The following AGBL4 variants were observed in gnomAD, a reference collection of about 807,000 sequenced individuals.
AGBL4 encodes AGBL carboxypeptidase 4.
In AGBL4, 58 loss-of-function variants were observed where a neutral mutation model predicts 66.4. That is an observed-to-expected ratio of 0.87 (90% CI 0.71 to 1.09). The LOEUF (loss-of-function observed/expected upper bound fraction) is 1.09. Among genes scored for constraint, AGBL4 ranks in the 50% least tolerant of loss-of-function variants. AGBL4 has a pLI of 0.00. For missense variants in AGBL4, 579 were observed against 631.0 expected (o/e 0.92, Z 0.88); for synonymous variants, 234 against 222.9 (o/e 1.05, Z -0.44).
chr1:49,387,980 C>T lies in AGBL4; in HGVS notation c.283-142116G>A, dbSNP rs140674072. 1.5e-3 allele frequency among the ~76,000 whole-genome samples: 227 copies of T among 152,102 alleles called. 1 individual carries two copies. The highest frequency in any genetic ancestry group is 5.2e-3 in the African/African-American group (218 of 41,534). ...GTTATAAGAGTCAGTTCATTTGTAA[C>T]ATGGATATAAGATGCCCAATACACA... On this transcript the variant is annotated intron_variant, in intron 3 of 13. Coordinates refer to ENST00000371839, the MANE Select transcript of AGBL4 (RefSeq NM_032785.4).
chr1:49,513,488 C>T (rs1649465743), intron 3 of AGBL4, among the ~76,000 whole-genome samples: 2 of 151,896 alleles, frequency 1.3e-5, no homozygotes, highest in South Asian at 2.1e-4. Flanking sequence ...CAGTGTTTAG[C>T]TCTAATTTAT....
At chr1:49,696,137 G>A (rs1558169783) in intron 3 of AGBL4, among the ~76,000 whole-genome samples, 2 of 152,248 alleles carry the variant, frequency 1.3e-5, no homozygotes, top group South Asian at 2.1e-4. Flanking sequence ...ATGTTGGATT[G>A]CAGGACTATG....
chr1:49,434,917 G>A (rs1645869204), intron 3 of AGBL4, among the ~76,000 whole-genome samples: 1 of 152,002 alleles, frequency 6.6e-6, no homozygotes, highest in South Asian at 2.1e-4. Flanking sequence ...AAGTATTGGA[G>A]GTCTCGAGGG....
At chr1:49,284,553 C>T (rs4027807) in intron 3 of AGBL4, among the ~76,000 whole-genome samples, 80,012 of 151,922 alleles carry the variant, frequency 0.53, 22,344 homozygotes, top group Non-Finnish European at 0.62. Flanking sequence ...GGACTAAATG[C>T]TCCAATTAAA....
chr1:49,797,886 C>G (rs1261091122), intron 2 of AGBL4, among the ~76,000 whole-genome samples: 1 of 152,032 alleles, frequency 6.6e-6, no homozygotes, highest in East Asian at 1.9e-4. Context: ...GTCTCAGCCT[C>G]CTGAATAGCT....
chr1:48,588,137 G>GATT, intron 10 of AGBL4, among the ~76,000 whole-genome samples: 2 of 152,128 alleles, frequency 1.3e-5, no homozygotes, highest in Non-Finnish European at 2.9e-5. Flanking sequence ...TGCTCATAGA[G>GATT]GTGGAGCAAG....
rs146807321 is a variant in AGBL4, at chr1:49,233,219, G to T, written c.377+12551C>A. On this transcript the variant is annotated intron_variant, in intron 4 of 13. Coordinates refer to ENST00000371839, the MANE Select transcript of AGBL4 (RefSeq NM_032785.4). Reference sequence around the variant, plus strand: ...AAAAACATGGCCTTTGGAAATCCCTGGTTTCTGTTCCTGGTCCAACCACTT... The same window carrying T: ...AAAAACATGGCCTTTGGAAATCCCTTGTTTCTGTTCCTGGTCCAACCACTT... Among the ~76,000 whole-genome samples the T allele has an allele frequency of 1.1e-3, 173 of 152,174 alleles. 1 individual carries two copies. The highest frequency in any genetic ancestry group is 4.0e-3 in the African/African-American group (168 of 41,520).
intron 1 of AGBL4, among the ~76,000 whole-genome samples, chr1:50,000,397 C>A (rs916675997): frequency 2.0e-5 from 3 of 152,008 alleles, no homozygotes; most frequent in African/African-American, 7.2e-5. Context: ...CAAGAATGGC[C>A]ATAATCTAAA....
chr1:49,658,878 A>T (rs1238096983), intron 3 of AGBL4, among the ~76,000 whole-genome samples: 1 of 151,780 alleles, frequency 6.6e-6, no homozygotes, highest in Admixed American at 6.6e-5. Context: ...GAATGGGGGG[A>T]GGGATAGCAT....
At chr1:49,257,730 T>C (rs1017424453) in intron 3 of AGBL4, among the ~76,000 whole-genome samples, 1 of 152,114 alleles carries the variant, frequency 6.6e-6, no homozygotes, top group East Asian at 1.9e-4. Context: ...GTACCTCAGA[T>C]GGAAATGCAG....
chr1:49,381,782 T>G (rs1481880568), intron 3 of AGBL4, among the ~76,000 whole-genome samples: 4 of 132,748 alleles, frequency 3.0e-5, no homozygotes, highest in Non-Finnish European at 4.6e-5. Flanking sequence ...CACTCATAGG[T>G]GGGAATTGAA....
intron 3 of AGBL4, among the ~76,000 whole-genome samples, chr1:49,299,055 C>T (rs1408356617): frequency 2.0e-5 from 3 of 151,714 alleles, no homozygotes; most frequent in Admixed American, 1.3e-4. Context: ...TTGTGTAACA[C>T]GCCATAATAA....
At chr1:48,574,610 A>C (rs1302771778) in intron 11 of AGBL4, among the ~76,000 whole-genome samples, 1 of 151,152 alleles carries the variant, frequency 6.6e-6, no homozygotes, top group Non-Finnish European at 1.5e-5. Flanking sequence ...CTCATGGCCA[A>C]AACTGCATGG....
At chr1:49,302,447 G>A (rs76952942) in intron 3 of AGBL4, among the ~76,000 whole-genome samples, 2 of 151,496 alleles carry the variant, frequency 1.3e-5, no homozygotes, top group African/African-American at 4.8e-5. Context: ...TAGAAACGGG[G>A]TTTCACCATG....
At chr1:49,784,528 CTAAATG>C (rs1644406890) in intron 2 of AGBL4, among the ~76,000 whole-genome samples, 1 of 151,938 alleles carries the variant, frequency 6.6e-6, no homozygotes, top group Non-Finnish European at 1.5e-5. Context: ...GATCAAACAT[CTAAATG>C]TAAGAGCTAA....
intron 1 of AGBL4, among the ~76,000 whole-genome samples, chr1:49,879,655 C>T (rs796829376): frequency 0.079 from 11,324 of 143,972 alleles, 659 homozygotes; most frequent in African/African-American, 0.17. Flanking sequence ...TTGCTCTTCT[C>T]GAGGAGTATC....
the AGBL4 span, among the ~76,000 whole-genome samples, chr1:48,526,386 G>A: frequency 5.6e-4 from 85 of 152,286 alleles, no homozygotes; most frequent in Non-Finnish European, 7.4e-4. Flanking sequence ...GCAGGGAAAT[G>A]AGGAGAATAA....
intron 7 of AGBL4, among the ~76,000 whole-genome samples, chr1:48,659,024 C>T (rs921840771): frequency 2.0e-5 from 3 of 152,122 alleles, no homozygotes; most frequent in Non-Finnish European, 4.4e-5. Flanking sequence ...CAGGAGACCT[C>T]GATCTAGTCC....
At chr1:48,728,157 G>T in intron 6 of AGBL4, 2 of 926,506 alleles carry the variant, frequency 2.2e-6, no homozygotes, top group Non-Finnish European at 3.2e-6. Context: ...ACCAGCTTAT[G>T]TATCTGGCAT....
Sources: gnomAD v4.1 joint callset for allele counts (sites outside exome capture counted in the v4.1 genomes callset) on GRCh38, gnomAD v4.1.1 for gene constraint, MANE v1.5 for transcripts, NCBI Gene and HGNC (gene_info 2026-07-23, HGNC 2026-07-21) for gene names.